HELZ: variants seen among roughly 807,000 people sequenced by gnomAD.
HELZ encodes helicase with zinc finger.
A neutral mutation model predicts 218.2 loss-of-function variants in HELZ; 23 were observed. The observed-to-expected ratio is 0.11, with a 90% CI of 0.08 to 0.15. The LOEUF (loss-of-function observed/expected upper bound fraction) is 0.15, where lower values mean the gene tolerates loss of function less well. Ranked by LOEUF, HELZ falls within the 10% of genes least tolerant of loss-of-function variation. The pLI is 1.00. For synonymous variants in HELZ, 814 were observed against 829.4 expected, an observed-to-expected ratio of 0.98 and a Z score of 0.32; for missense variants, 1,813 against 2,353.7, an observed-to-expected ratio of 0.77 and a Z score of 4.75.
At chr17:67,239,987 C>T (rs2041279399) in intron 2 of HELZ, among the ~76,000 whole-genome samples, 1 of 152,156 alleles carries the variant, frequency 6.6e-6, no homozygotes. Flanking sequence ...TGCAGCTTAT[C>T]CTAAAATTCA....
At position 67,166,623 on chromosome 17, in the gene HELZ, G is replaced by T; in HGVS notation, c.1765-15C>A. 1 of 1,612,276 alleles carries T rather than the reference G, an allele frequency of 6.2e-7. No individual in the cohort carries two copies. The highest frequency in any genetic ancestry group is 8.5e-7 in the Non-Finnish European group (1 of 1,178,730). On this transcript the variant is annotated splice_polypyrimidine_tract_variant and intron_variant, in intron 14 of 32. Transcript: ENST00000358691. ...TGAAGTTCAACCTGAAAGACAAAAT[G>T]AATGTTTTAAAAACTGCATGAAAGC...
At chr17:67,237,271 T>C (rs1005373415) in intron 3 of HELZ, among the ~76,000 whole-genome samples, 1 of 152,076 alleles carries the variant, frequency 6.6e-6, no homozygotes, top group African/African-American at 2.4e-5. Flanking sequence ...GGCGACAGAG[T>C]GAGACTCTGT....
rs541849691 is a variant in HELZ at position 67,187,093 on chromosome 17, C to T, written c.1162+1226G>A. ...GCCCTGCAACACCTAAAATATTAAC[C>T]GTCTGGCCCTCTGCAGAAAGAATTT... On this transcript the variant is annotated intron_variant, in intron 12 of 32. Coordinates refer to ENST00000358691, the MANE Select transcript of HELZ (RefSeq NM_014877.4). Among the ~76,000 whole-genome samples the T allele has an allele frequency of 1.4e-4, 21 of 152,236 alleles. No homozygotes were observed. The South Asian group carries it at 3.5e-3, about 26-fold the overall frequency.
At chr17:67,132,452 A>G (rs1197951729) in intron 23 of HELZ, among the ~76,000 whole-genome samples, 1 of 152,234 alleles carries the variant, frequency 6.6e-6, no homozygotes, top group Non-Finnish European at 1.5e-5. Flanking sequence ...TGGGAAAGGC[A>G]GCATAACCAG....
intron 7 of HELZ, among the ~76,000 whole-genome samples, chr17:67,198,325 T>C (rs934681193): frequency 2.0e-5 from 3 of 152,256 alleles, no homozygotes; most frequent in African/African-American, 7.2e-5. Flanking sequence ...CGCACGGGCC[T>C]GTGCTGACAC....
chr17:67,134,835 G>A (rs1418082112), intron 23 of HELZ, among the ~76,000 whole-genome samples: 2 of 152,028 alleles, frequency 1.3e-5, no homozygotes, highest in Non-Finnish European at 2.9e-5. Flanking sequence ...AATTACCCAA[G>A]GCAGATTCAG....
chr17:67,213,386 C>T (rs992057510), intron 5 of HELZ, among the ~76,000 whole-genome samples: 27 of 152,026 alleles, frequency 1.8e-4, no homozygotes, highest in Admixed American at 1.6e-3. Flanking sequence ...CACTTTGGGA[C>T]GCCGAGGCAG....
At chr17:67,099,775 C>T (rs2036866306) in intron 31 of HELZ, among the ~76,000 whole-genome samples, 1 of 152,130 alleles carries the variant, frequency 6.6e-6, no homozygotes, top group Admixed American at 6.6e-5. Context: ...TTAATAAGGG[C>T]TCTATTTATA....
intron 6 of HELZ, among the ~76,000 whole-genome samples, chr17:67,202,099 A>G (rs949752519): frequency 1.3e-5 from 2 of 152,140 alleles, no homozygotes; most frequent in Non-Finnish European, 2.9e-5. Flanking sequence ...ATCTATATCA[A>G]TTCAGAAGAA....
In HELZ at chr17:67,200,932, CAT is replaced by C. The variant is rs918013065; in HGVS notation, c.429+195_429+196del. 4.7e-5 allele frequency: 27 copies of C among 572,198 alleles called. 1 individual carries two copies. The highest frequency in any genetic ancestry group is 4.2e-4 in the Admixed American group (15 of 35,356). 35.4% of individuals were successfully genotyped at this position (572,198 alleles called of 1,614,324 possible). On this transcript the variant is annotated intron_variant, in intron 7 of 32. Transcript: ENST00000358691. ...GATAAGCCCTGGCACACAGAGGAGA[CAT>C]GTGGAGAAGCAGCATTCCCACGATG...
chr17:67,106,315 A>G lies in HELZ; in HGVS notation c.5241+854T>C, dbSNP rs149015896. Among the ~76,000 whole-genome samples, 186 of 131,784 alleles carry G rather than the reference A, an allele frequency of 1.4e-3. 5 individuals carry two copies. In the East Asian group the frequency reaches 0.034, roughly 24 times the overall value. The allele number at this position is 131,784 out of a possible 152,430, so 86.5% of individuals were successfully genotyped here. On this transcript the variant is annotated intron_variant, in intron 31 of 32. Transcript: ENST00000358691. The stretch of plus-strand genomic sequence containing the variant: ...TCTAAGTATTTTACTTTATTTATTT[A>G]TTTTTTTTTTTGAGACAGAGTCTTG...
At chr17:67,176,460 T>TC (rs1189395862) in intron 13 of HELZ, 1 of 152,118 alleles carries the variant, frequency 6.6e-6, no homozygotes, top group African/African-American at 2.4e-5. Context: ...TTGCTTATGA[T>TC]CCCCCATATG....
intron 3 of HELZ, among the ~76,000 whole-genome samples, chr17:67,220,876 T>C (rs1482781935): frequency 7.6e-6 from 1 of 131,554 alleles, no homozygotes; most frequent in Non-Finnish European, 1.6e-5. Context: ...AAAAGAGTAC[T>C]GTATTCTTGG....
chr17:67,142,658 C>T (rs1000894258), intron 21 of HELZ, among the ~76,000 whole-genome samples: 1 of 152,030 alleles, frequency 6.6e-6, no homozygotes, highest in African/African-American at 2.4e-5. Context: ...ACCATGCAAA[C>T]AGCAACTATA....
At position 67,136,194 on chromosome 17, in the gene HELZ, C is replaced by T; in HGVS notation, c.2958G>A (p.Lys986=). Residue 986 remains lysine, a synonymous_variant, in exon 23 of 33, where the codon AAG becomes AAA. Coordinates refer to ENST00000358691, the MANE Select transcript of HELZ (RefSeq NM_014877.4). ...NVERVLNVQG[K]QFRVLFLSTV... Reference sequence around the variant, plus strand: ...TGCTAAGAAACAAAACTCTGAATTGCTTTCCTACAAAGAAAATTTTTTAAG... The same window carrying T: ...TGCTAAGAAACAAAACTCTGAATTGTTTTCCTACAAAGAAAATTTTTTAAG... The T allele has an allele frequency of 1.3e-6, 2 of 1,599,686 alleles. No homozygotes were observed. The highest frequency in any genetic ancestry group is 1.7e-6 in the Non-Finnish European group (2 of 1,174,292).
chr17:67,225,243 T>TA (rs1456832934), intron 3 of HELZ: 2 of 244,786 alleles, frequency 8.2e-6, no homozygotes, highest in Non-Finnish European at 1.6e-5. Flanking sequence ...ACAATGACCC[T>TA]ATAAAGTAGA....
Position 67,107,611 on chromosome 17 carries a change from G to C in HELZ, c.4799C>G (p.Pro1600Arg). ...ETRELAEMPP[P>R]QSRLLQYRQV... is the part of the protein sequence containing the mutation. Reference sequence around the variant, plus strand: ...TCTATATTGCAAAAGTCTTGATTGAGGTGGTGGCATTTCAGCTAGTTCCCG... The same window carrying C: ...TCTATATTGCAAAAGTCTTGATTGACGTGGTGGCATTTCAGCTAGTTCCCG... Residue 1600 changes from proline (P) to arginine (R), a missense_variant, in exon 31 of 33, where the codon CCT becomes CGT. This residue lies in a region of HELZ where 938 missense variants were observed against 1,027.5 expected (regional missense o/e 0.91). Transcript: ENST00000358691. The C allele has an allele frequency of 6.2e-7, 1 of 1,614,098 alleles. No individual in the cohort carries two copies. Among genetic ancestry groups the C allele is most frequent in the South Asian group, 1.1e-5 (1 of 91,084 alleles).
intron 17 of HELZ, among the ~76,000 whole-genome samples, chr17:67,156,876 G>A (rs536368746): frequency 2.6e-5 from 4 of 152,196 alleles, no homozygotes; most frequent in South Asian, 2.1e-4. Flanking sequence ...AAAATCTCAC[G>A]TTGAAATGTA....
At position 67,225,034 on chromosome 17, in the gene HELZ, A is replaced by C. The variant is rs917135641; in HGVS notation, c.-18-6212T>G. 7.6e-6 allele frequency: 5 copies of C among 656,530 alleles called. No individual in the cohort carries two copies. In the Admixed American group the frequency reaches 9.8e-5, roughly 13 times the overall value. The allele number at this position is 656,530 out of a possible 1,614,324, so 40.7% of individuals were successfully genotyped here. A position where few individuals can be genotyped will look rare whatever the true frequency, so the allele number is the denominator to read the frequency against. Reference sequence around the variant, plus strand: ...GATAAGAGAAAGGGTCAAGTGATCCAGTTCTATGTGTCATCTTTTATTATG... The same window carrying C: ...GATAAGAGAAAGGGTCAAGTGATCCCGTTCTATGTGTCATCTTTTATTATG... On this transcript the variant is annotated intron_variant, in intron 3 of 32. Transcript: ENST00000358691.
Sources: gnomAD v4.1 joint callset for allele counts (sites outside exome capture counted in the v4.1 genomes callset) on GRCh38, gnomAD v4.1.1 for gene constraint, gnomAD v4.1.1 regional missense constraint, MANE v1.5 for transcripts, NCBI Gene and HGNC (gene_info 2026-07-23, HGNC 2026-07-21) for gene names.